Variants in TEX15 observed in about 807,000 individuals in gnomAD.
TEX15 encodes the protein testis-expressed protein 15.
In TEX15, 171 loss-of-function variants were observed where a neutral mutation model predicts 237.3. The observed-to-expected ratio is 0.72, with a 90% confidence interval of 0.64 to 0.82. The LOEUF is 0.82. Ranked by LOEUF, TEX15 falls within the 40% of genes least tolerant of loss-of-function variation. TEX15 has a pLI of 0.00. For missense variants in TEX15, 3,750 were observed against 3,646.5 expected (o/e 1.03, Z -0.73); for synonymous variants, 1,338 against 1,269.8 (o/e 1.05, Z -1.14).
chr8:30,905,633 A>G (rs1312148974), intron 1 of TEX15, among the ~76,000 whole-genome samples: 3 of 151,708 alleles, frequency 2.0e-5, no homozygotes, highest in African/African-American at 7.3e-5. Flanking sequence ...TCACGCCTAT[A>G]ATCCCAGCAT....
intron 3 of TEX15, among the ~76,000 whole-genome samples, chr8:30,882,718 C>A (rs1015050547): frequency 2.0e-5 from 3 of 152,150 alleles, no homozygotes; most frequent in Admixed American, 1.3e-4. Flanking sequence ...TCAATTAGAT[C>A]CTGTTGATTG....
Position 30,910,569 on chromosome 8 carries a change from C to T in TEX15, c.-86+2310G>A, listed in dbSNP as rs147376057. ...AAGCAATCTTCCCATTTTAGCATCC[C>T]AAATAGCTGGGGACCAAAGGCTTGC... On this transcript the variant is annotated intron_variant, in intron 1 of 10. Transcript: ENST00000643185. 1.9e-4 allele frequency among the ~76,000 whole-genome samples: 28 copies of T among 151,108 alleles called. No individual in the cohort carries two copies. In the East Asian group the frequency reaches 5.4e-3, roughly 29 times the overall value.
rs1807341833 is a variant in TEX15 at position 30,837,701 on chromosome 8, C to G, written c.8583G>C (p.Gln2861His). 6.2e-7 allele frequency: 1 copy of G among 1,613,842 alleles called. No homozygotes were observed. Among genetic ancestry groups the G allele is most frequent in the African/African-American group, 1.3e-5 (1 of 74,896 alleles). The change falls in exon 10 of 11, where the codon CAG (glutamine) becomes CAC (histidine). Residue 2861 changes from glutamine to histidine, a missense_variant. By Grantham distance (24) the Gln-to-His change is conservative. Transcript: ENST00000643185. ...GATCTGGGGAATTTTTAAGAAATTT[C>G]TGCAAAAGCGTCCCATGGTCTGGTG... The part of the protein sequence containing the change: ...TFSPDHGTLL[Q>H]KFLKNSPDPT...
chr8:30,894,618 G>C (rs939679265), intron 2 of TEX15, among the ~76,000 whole-genome samples: 3 of 152,220 alleles, frequency 2.0e-5, no homozygotes, highest in Non-Finnish European at 4.4e-5. Context: ...AGAAAGCACA[G>C]TCTGCAACAA....
chr8:30,872,668 T>C (rs1464955092), intron 4 of TEX15, among the ~76,000 whole-genome samples: 2 of 152,040 alleles, frequency 1.3e-5, no homozygotes, highest in Non-Finnish European at 2.9e-5. Context: ...AAGTCAATGA[T>C]ATTGATGATC....
intron 3 of TEX15, among the ~76,000 whole-genome samples, chr8:30,878,421 T>C (rs1650994110): frequency 6.6e-6 from 1 of 152,174 alleles, no homozygotes; most frequent in African/African-American, 2.4e-5. Flanking sequence ...TTCACTCTTG[T>C]TGCCCAGGCT....
At chr8:30,907,313 A>C (rs1809122958) in intron 1 of TEX15, among the ~76,000 whole-genome samples, 1 of 151,910 alleles carries the variant, frequency 6.6e-6, no homozygotes, top group Non-Finnish European at 1.5e-5. Flanking sequence ...TGGTGACTGG[A>C]TAATATTCAA....
intron 1 of TEX15, among the ~76,000 whole-genome samples, chr8:30,909,614 T>C (rs1809178203): frequency 6.6e-6 from 1 of 152,230 alleles, no homozygotes; most frequent in Non-Finnish European, 1.5e-5. Flanking sequence ...TAGTTTGTCA[T>C]GTGAGTTTAC....
intron 4 of TEX15, among the ~76,000 whole-genome samples, chr8:30,868,499 T>G (rs1280094963): frequency 6.6e-6 from 1 of 152,068 alleles, no homozygotes; most frequent in East Asian, 1.9e-4. Flanking sequence ...ATTTATTTCC[T>G]GGAACACCAC....
In TEX15 at chr8:30,879,982, T is replaced by C. The variant is rs554140484; in HGVS notation, c.137-4880A>G. Among the ~76,000 whole-genome samples, 514 of 152,210 alleles carry C rather than the reference T, an allele frequency of 3.4e-3. 2 individuals carry two copies. The highest frequency in any genetic ancestry group is 5.5e-3 in the Non-Finnish European group (371 of 68,014). The stretch of plus-strand genomic sequence containing the variant: ...TTTATAGTTTATAACATAGAAACCT[T>C]ACACATTTTGTTATATTTGTACCTA... On this transcript the variant is annotated intron_variant, in intron 3 of 10. Coordinates refer to ENST00000643185, the MANE Select transcript of TEX15 (RefSeq NM_001350162.2).
At position 30,845,502 on chromosome 8, in the gene TEX15, T is replaced by C. The variant is rs115950103; in HGVS notation, c.4665A>G (p.Ala1555=). 1.7e-3 allele frequency: 2,750 copies of C among 1,613,578 alleles called. 60 individuals are homozygous for C. The African/African-American group carries it at 0.033, about 19-fold the overall frequency. ...CTGAGTGGTCTGGGGAAAACAGATA[T>C]GCAGTTTTTCCAGAAAAGGGCTGAT... The part of the protein sequence containing the change: ...EEHQPFSGKT[A]YLFSPDHSDE... The change falls in exon 8 of 11, where the codon GCA becomes GCG. Residue 1555 remains alanine (A), a synonymous_variant. Coordinates refer to ENST00000643185, the MANE Select transcript of TEX15 (RefSeq NM_001350162.2).
intron 4 of TEX15, among the ~76,000 whole-genome samples, chr8:30,867,882 A>T (rs1808207117): frequency 6.6e-6 from 1 of 152,106 alleles, no homozygotes; most frequent in Non-Finnish European, 1.5e-5. Flanking sequence ...AGGTTCAGAA[A>T]GTTAAATCTT....
At chr8:30,909,918 T>G (rs992656287) in intron 1 of TEX15, among the ~76,000 whole-genome samples, 5 of 152,096 alleles carry the variant, frequency 3.3e-5, no homozygotes, top group Admixed American at 2.0e-4. Context: ...GGGCTGGAGA[T>G]TTAATGAGAT....
At position 30,853,896 on chromosome 8, in the gene TEX15, G is replaced by GA. The variant is rs1299430863; in HGVS notation, c.851-4581dup. Among the ~76,000 whole-genome samples, 10 of 151,838 alleles carry GA rather than the reference G, an allele frequency of 6.6e-5. No individual in the cohort carries two copies. The South Asian group carries it at 2.1e-3, about 32-fold the overall frequency. Reference sequence around the variant, plus strand: ...TGCAAATACATAAAAAACATGGTCTGAAAAAAACCAATGAATTAAAGAATA... The same window carrying GA: ...TGCAAATACATAAAAAACATGGTCTGAAAAAAAACCAATGAATTAAAGAATA... On this transcript the variant is annotated intron_variant, in intron 7 of 10. Coordinates refer to ENST00000643185, the MANE Select transcript of TEX15 (RefSeq NM_001350162.2).
Position 30,845,565 on chromosome 8 carries a change from A to G in TEX15, c.4602T>C (p.Tyr1534=), listed in dbSNP as rs1243112414. ...TSQSTSQSVY[Y]NSSVSNPSLS... is the part of the protein sequence containing the mutation. The stretch of plus-strand genomic sequence containing the variant: ...AACTTGGATTGCTTACACTGCTATT[A>G]TAATAAACTGACTGACTTGTACTTT... The change falls in exon 8 of 11, where the codon TAT becomes TAC. Residue 1534 remains tyrosine, a synonymous_variant. Coordinates refer to ENST00000643185, the MANE Select transcript of TEX15 (RefSeq NM_001350162.2). The G allele has an allele frequency of 6.2e-7, 1 of 1,613,684 alleles. No individual in the cohort carries two copies.
intron 3 of TEX15, among the ~76,000 whole-genome samples, chr8:30,882,669 G>C (rs1265134001): frequency 6.6e-6 from 1 of 152,144 alleles, no homozygotes; most frequent in African/African-American, 2.4e-5. Flanking sequence ...TGCTTGAAAG[G>C]TCTATTCTGC....
intron 5 of TEX15, among the ~76,000 whole-genome samples, chr8:30,863,380 C>CTTTGTACAG (rs1808092287): frequency 6.6e-6 from 1 of 152,046 alleles, no homozygotes; most frequent in Non-Finnish European, 1.5e-5. Flanking sequence ...CCCTTTGTGC[C>CTTTGTACAG]CCATGACAGG....
chr8:30,912,325 C>CT (rs1809240445), intron 1 of TEX15, among the ~76,000 whole-genome samples: 1 of 150,898 alleles, frequency 6.6e-6, no homozygotes, highest in Admixed American at 6.6e-5. Flanking sequence ...GGTCCCGGGG[C>CT]GGCGGGGCTC....
chr8:30,849,311 T>A lies in TEX15; in HGVS notation c.856A>T (p.Thr286Ser), dbSNP rs1371874356. The change falls in exon 8 of 11, where the codon ACA becomes TCA. Residue 286 changes from threonine to serine, a missense_variant. Transcript: ENST00000643185. ...ACTGTACAGTTATTCAGAGAGCATG[T>A]CCTTTCTGTGGAAATAATAAGGAAG... ...STGFPKRAER[T>S]CSLNNCTVAK... The A allele has an allele frequency of 2.0e-6, 3 of 1,499,424 alleles. No individual in the cohort carries two copies. The highest frequency in any genetic ancestry group is 2.7e-6 in the Non-Finnish European group (3 of 1,132,002). 92.9% of individuals were successfully genotyped at this position (1,499,424 alleles called of 1,614,324 possible).
Sources: gnomAD v4.1 joint callset for allele counts (sites outside exome capture counted in the v4.1 genomes callset) on GRCh38, gnomAD v4.1.1 for gene constraint, MANE v1.5 for transcripts, NCBI Gene and HGNC (gene_info 2026-07-23, HGNC 2026-07-21) for gene names.